Variants in SSPN observed in about 807,000 individuals in gnomAD.
The protein encoded by SSPN is sarcospan, also known as K-ras oncogene-associated protein.
A neutral mutation model predicts 19.1 loss-of-function variants in SSPN; 15 were observed. The observed-to-expected ratio is 0.78, with a 90% CI of 0.52 to 1.21. SSPN has a LOEUF of 1.21. Ranked by LOEUF, SSPN falls within the 50% of genes most tolerant of loss-of-function variation. SSPN has a pLI of 0.00. For synonymous variants in SSPN, 147 were observed against 140.3 expected, an observed-to-expected ratio of 1.05 and a Z score of -0.34; for missense variants, 291 against 314.0, an observed-to-expected ratio of 0.93 and a Z score of 0.55.
Position 26,195,758 on chromosome 12 carries a change from C to A in SSPN, c.86C>A (p.Pro29Gln). The A allele has an allele frequency of 1.3e-6, 2 of 1,493,448 alleles. No homozygotes were observed. The highest frequency in any genetic ancestry group is 1.8e-6 in the Non-Finnish European group (2 of 1,125,666). 92.5% of individuals were successfully genotyped at this position (1,493,448 alleles called of 1,614,324 possible). ...ADAAGPDDMEPKKGTGAPKEC... is the reference protein window; with the variant it reads ...ADAAGPDDMEQKKGTGAPKEC... ...GCCGCTGGGCCCGACGACATGGAGCCGAAGAAGGGCACGGGGGCCCCCAAG... is the reference window on the plus strand; with the variant it reads ...GCCGCTGGGCCCGACGACATGGAGCAGAAGAAGGGCACGGGGGCCCCCAAG... The change falls in exon 1 of 3, where the codon CCG (proline) becomes CAG (glutamine). Residue 29 changes from proline (P) to glutamine (Q), a missense_variant. Physicochemically the swap from Pro to Gln is moderately conservative, Grantham distance 76. Around this residue, in one of 3 missense-constraint regions of SSPN, gnomAD observed 139 missense variants for 119.6 expected, o/e 1.16. Transcript: ENST00000242729.
chr12:26,154,516 A>C (rs989916617), intron 1 of SSPN, among the ~76,000 whole-genome samples: 3 of 152,168 alleles, frequency 2.0e-5, no homozygotes, highest in African/African-American at 7.2e-5. Flanking sequence ...AGGGGCACTA[A>C]GCAGAAAGGA....
At chr12:26,192,994 G>A (rs551500037), upstream of SSPN, among the ~76,000 whole-genome samples, 1 of 152,316 alleles carries the variant, frequency 6.6e-6, no homozygotes, top group African/African-American at 2.4e-5. Context: ...CAATTTGGCA[G>A]TATGGTCAGC....
intron 1 of SSPN, among the ~76,000 whole-genome samples, chr12:26,130,821 G>A (rs1429312861): frequency 2.0e-5 from 3 of 151,806 alleles, no homozygotes; most frequent in Admixed American, 6.6e-5. Context: ...TCACCCCATG[G>A]TCAGAAGATG....
intron 1 of SSPN, chr12:26,124,621 AG>A (rs1944346768): frequency 6.2e-7 from 1 of 1,613,052 alleles, no homozygotes; most frequent in Non-Finnish European, 8.5e-7. Context: ...CCATTCGGGG[AG>A]GGGCTCTGCC....
intron 1 of SSPN, among the ~76,000 whole-genome samples, chr12:26,132,863 C>T (rs1944404196): frequency 6.6e-6 from 1 of 152,168 alleles, no homozygotes; most frequent in African/African-American, 2.4e-5. Context: ...CTTGGTGTTC[C>T]ACATCTTCTG....
chr12:26,210,072 A>G (rs1344924189), intron 1 of SSPN, among the ~76,000 whole-genome samples: 1 of 152,050 alleles, frequency 6.6e-6, no homozygotes, highest in Non-Finnish European at 1.5e-5. Context: ...AGCATACACA[A>G]GAGTAGATAC....
intron 1 of SSPN, among the ~76,000 whole-genome samples, chr12:26,182,622 CCCTTCCCTTCCCTTCCCTTCCCTTCCCT>C (rs1944726770): frequency 7.3e-6 from 1 of 137,720 alleles, no homozygotes; most frequent in Non-Finnish European, 1.6e-5. Flanking sequence ...CCCTTCCCTT[CCCTTCCCTTCCCTTCCCTTCCCTTCCCT>C]CCCCTCCAGT....
chr12:26,122,013 G>C (rs1944309712), exon 1 of SSPN: 1 of 1,545,732 alleles, frequency 6.5e-7, no homozygotes, highest in Non-Finnish European at 8.7e-7. Flanking sequence ...CCTCCTTAAG[G>C]GTATTTTAAC....
At chr12:26,145,557 G>A (rs1944485366) in intron 1 of SSPN, among the ~76,000 whole-genome samples, 2 of 152,172 alleles carry the variant, frequency 1.3e-5, no homozygotes, top group South Asian at 4.1e-4. Flanking sequence ...AGGACGTTCT[G>A]TCTCATACAG....
intron 1 of SSPN, among the ~76,000 whole-genome samples, chr12:26,151,889 C>T (rs927531334): frequency 2.6e-5 from 4 of 152,188 alleles, no homozygotes; most frequent in African/African-American, 9.6e-5. Flanking sequence ...GAATTTTTCT[C>T]ATCCAATGCG....
chr12:26,201,027 A>AT (rs1176531202), intron 1 of SSPN, among the ~76,000 whole-genome samples: 51 of 39,446 alleles, frequency 1.3e-3, no homozygotes, highest in African/African-American at 8.6e-3. Context: ...ATATATATAT[A>AT]TATATATATA....
At chr12:26,138,965 A>T (rs932614253) in intron 1 of SSPN, among the ~76,000 whole-genome samples, 6 of 152,198 alleles carry the variant, frequency 3.9e-5, no homozygotes, top group African/African-American at 9.7e-5. Flanking sequence ...AATAATTTCA[A>T]TTCTGCATAT....
At chr12:26,202,236 G>A (rs562324635) in intron 1 of SSPN, among the ~76,000 whole-genome samples, 17 of 152,040 alleles carry the variant, frequency 1.1e-4, no homozygotes, top group Non-Finnish European at 2.4e-4. Context: ...TTTGATCCGT[G>A]GTTGATTATA....
intron 2 of SSPN, among the ~76,000 whole-genome samples, chr12:26,227,660 A>C (rs538328485): frequency 3.9e-5 from 6 of 152,328 alleles, no homozygotes; most frequent in African/African-American, 1.4e-4. Context: ...ACAAATACTT[A>C]AATAGGCTCC....
chr12:26,221,678 A>G (rs576725338), intron 1 of SSPN, among the ~76,000 whole-genome samples: 4 of 152,324 alleles, frequency 2.6e-5, no homozygotes, highest in African/African-American at 9.6e-5. Flanking sequence ...AGGCCTTATT[A>G]CTGGAATGTG....
At chr12:26,156,972 T>C (rs1169659100) in intron 1 of SSPN, among the ~76,000 whole-genome samples, 1 of 152,236 alleles carries the variant, frequency 6.6e-6, no homozygotes, top group African/African-American at 2.4e-5. Context: ...ACCATTTTCA[T>C]TTAAACAAAT....
intron 1 of SSPN, among the ~76,000 whole-genome samples, chr12:26,137,354 T>G (rs1251632969): frequency 6.6e-6 from 1 of 152,144 alleles, no homozygotes. Flanking sequence ...CTCCATGATT[T>G]TTGTTTAGAG....
rs191445231 is a variant in SSPN at position 26,175,373 on chromosome 12, T to G, written c.-30-48920T>G. Among the ~76,000 whole-genome samples the G allele has an allele frequency of 3.9e-5, 6 of 152,348 alleles. No individual in the cohort carries two copies. The East Asian group carries it at 1.2e-3, about 29-fold the overall frequency. On this transcript the variant is annotated intron_variant, in intron 1 of 2. Transcript: ENST00000538142. ...GAAGTGTCTGTCCAAATCTTTTCCA[T>G]TTTTTATTGGATTATTTGTGTTTTG...
chr12:26,160,327 C>T (rs1944580348), intron 1 of SSPN, among the ~76,000 whole-genome samples: 1 of 152,196 alleles, frequency 6.6e-6, no homozygotes, highest in African/African-American at 2.4e-5. Flanking sequence ...TACCCCTGTC[C>T]CTCCAAATGG....
Sources: gnomAD v4.1 joint callset for allele counts (sites outside exome capture counted in the v4.1 genomes callset) on GRCh38, gnomAD v4.1.1 for gene constraint, gnomAD v4.1.1 regional missense constraint, MANE v1.5 for transcripts, NCBI Gene and HGNC (gene_info 2026-07-23, HGNC 2026-07-21) for gene names.